Variants in CNNM1 observed in about 807,000 individuals in gnomAD.
CNNM1 encodes cyclin and CBS domain divalent metal cation transport mediator 1, also known as metal transporter CNNM1.
A neutral mutation model predicts 78.8 loss-of-function variants in CNNM1; 44 were observed. The ratio of observed to expected loss-of-function variants is 0.56; its 90% CI spans 0.44 to 0.72. The LOEUF is 0.72. Ranked by LOEUF, CNNM1 falls within the 30% of genes least tolerant of loss-of-function variation. The pLI, the probability that CNNM1 is intolerant of heterozygous loss-of-function variation, is 0.00. For synonymous variants in CNNM1, 584 were observed against 581.5 expected (o/e 1.00, Z -0.06); for missense variants, 1,101 against 1,292.2 (o/e 0.85, Z 2.27).
At chr10:99,368,622 T>G in intron 6 of CNNM1, 1 of 1,289,774 alleles carries the variant, frequency 7.8e-7, no homozygotes, top group Non-Finnish European at 1.0e-6. Flanking sequence ...CTTTAGTGCC[T>G]GTCTCTGTGT....
intron 3 of CNNM1, among the ~76,000 whole-genome samples, chr10:99,361,333 G>A (rs181282701): frequency 6.6e-6 from 1 of 152,294 alleles, no homozygotes; most frequent in East Asian, 1.9e-4. Flanking sequence ...ACAGAAGCCT[G>A]TGAGCTATGA....
chr10:99,376,575 G>C (rs2031968056), intron 6 of CNNM1, among the ~76,000 whole-genome samples: 1 of 152,138 alleles, frequency 6.6e-6, no homozygotes, highest in African/African-American at 2.4e-5. Flanking sequence ...TCTAAAATAA[G>C]GTTTGTGATT....
intron 5 of CNNM1, among the ~76,000 whole-genome samples, 162 bp downstream of exon 5, chr10:99,364,678 A>G (rs2031553792): frequency 6.6e-6 from 1 of 152,176 alleles, no homozygotes; most frequent in Non-Finnish European, 1.5e-5. Flanking sequence ...GGGTGTATGA[A>G]TCACTTTTCA....
intron 1 of CNNM1, among the ~76,000 whole-genome samples, chr10:99,331,740 A>G (rs1205694722): frequency 6.6e-6 from 1 of 151,942 alleles, no homozygotes; most frequent in East Asian, 1.9e-4. Flanking sequence ...GGAGGGAAGT[A>G]CTCAGGTTGG....
At position 99,391,773 on chromosome 10, in the gene CNNM1, T is replaced by C; in HGVS notation, c.*257T>C. On this transcript the variant is annotated 3_prime_UTR_variant, in exon 11 of 11. Transcript: ENST00000356713. ...GCTAGAAATGGTCTTTTCCACAGCA[T>C]AGTCTGGGACTGGAAAAGAGATGTC... 1 of 423,882 alleles carries C rather than the reference T, an allele frequency of 2.4e-6. No individual in the cohort carries two copies. The highest frequency in any genetic ancestry group is 4.3e-6 in the Non-Finnish European group (1 of 233,122). 26.3% of individuals were successfully genotyped at this position (423,882 alleles called of 1,614,324 possible).
intron 7 of CNNM1, among the ~76,000 whole-genome samples, chr10:99,383,781 G>A (rs999103038): frequency 6.6e-6 from 1 of 152,154 alleles, no homozygotes; most frequent in African/African-American, 2.4e-5. Flanking sequence ...GCCCTGCGAG[G>A]CCAGGTCATC....
rs762829295 is a variant in CNNM1 at position 99,377,106 on chromosome 10, A to G, written c.2228A>G (p.Asn743Ser). ...GGGTTGAATCGCTCTGAGTCTCCAA[A>G]CCGAGAGCGCAGTGACTTTGGGGGC... ...CSGLNRSESP[N>S]RERSDFGGSN... The change falls in exon 7 of 11, where the codon AAC (asparagine) becomes AGC (serine). Residue 743 changes from asparagine to serine, a missense_variant. This residue lies in a region of CNNM1 where 348 missense variants were observed against 384.5 expected (regional missense o/e 0.90). Transcript: ENST00000356713. 1 of 1,601,274 alleles carries G rather than the reference A, an allele frequency of 6.2e-7. No homozygotes were observed. Among genetic ancestry groups the G allele is most frequent in the Non-Finnish European group, 8.5e-7 (1 of 1,174,006 alleles).
chr10:99,377,063 T>C lies in CNNM1; in HGVS notation c.2185T>C (p.Ser729Pro). 3.2e-6 allele frequency: 5 copies of C among 1,550,012 alleles called. No homozygotes were observed. In the South Asian group the frequency reaches 4.7e-5, roughly 15 times the overall value. ...LAGSSVFLNR[S>P]PSRCSGLNRS... ...TCTCTCACCATCTGCAGTAAACCGG[T>C]CCCCTTCTCGCTGCAGTGGGTTGAA... The change falls in exon 7 of 11, where the codon TCC becomes CCC. Residue 729 changes from serine (S) to proline (P), a missense_variant. Coordinates refer to ENST00000356713, the MANE Select transcript of CNNM1 (RefSeq NM_020348.3).
At chr10:99,336,261 T>C (rs1385993950) in intron 1 of CNNM1, among the ~76,000 whole-genome samples, 1 of 152,234 alleles carries the variant, frequency 6.6e-6, no homozygotes, top group African/African-American at 2.4e-5. Context: ...TTACTATGTT[T>C]AGATACGCAA....
At chr10:99,354,553 T>C (rs2031064078) in intron 1 of CNNM1, among the ~76,000 whole-genome samples, 1 of 152,172 alleles carries the variant, frequency 6.6e-6, no homozygotes, top group African/African-American at 2.4e-5. Context: ...GAGGAGGAAA[T>C]GCTGTCTAGT....
At chr10:99,373,857 T>C (rs1024469816) in intron 6 of CNNM1, among the ~76,000 whole-genome samples, 1 of 152,236 alleles carries the variant, frequency 6.6e-6, no homozygotes, top group Non-Finnish European at 1.5e-5. Context: ...TTTCCATCCA[T>C]GTTGCTGCAA....
intron 1 of CNNM1, among the ~76,000 whole-genome samples, chr10:99,354,158 A>G (rs1355912795): frequency 1.3e-5 from 2 of 152,224 alleles, no homozygotes; most frequent in Non-Finnish European, 2.9e-5. Context: ...CTGCTAGCAC[A>G]TATTAGCAGA....
At chr10:99,377,676 A>G (rs948414138) in intron 7 of CNNM1, among the ~76,000 whole-genome samples, 1 of 152,232 alleles carries the variant, frequency 6.6e-6, no homozygotes, top group African/African-American at 2.4e-5. Flanking sequence ...AGAAGAAACC[A>G]TGCTATACTT....
intron 7 of CNNM1, among the ~76,000 whole-genome samples, chr10:99,380,436 A>G (rs1361380052): frequency 6.6e-6 from 1 of 151,932 alleles, no homozygotes. Context: ...GGATTTGGCA[A>G]CTCCTCAGAG....
At chr10:99,356,465 A>G (rs143202184) in intron 1 of CNNM1, among the ~76,000 whole-genome samples, 1 of 150,770 alleles carries the variant, frequency 6.6e-6, no homozygotes, top group African/African-American at 2.5e-5. Context: ...ACAGAGAGAG[A>G]CTCCATCTCA....
Position 99,329,857 on chromosome 10 carries a change from C to G in CNNM1, c.470C>G (p.Ser157Trp). ...TTGCGTCCCGGGGGCGTGGCAGGCT[C>G]GGCCCTGGTCCAGGTGCGAGTGCGG... ...GPLRPGGVAG[S>W]ALVQVRVREL... Residue 157 changes from serine (S) to tryptophan (W), a missense_variant, in exon 1 of 11, where the codon TCG becomes TGG. Physicochemically the swap from Ser to Trp is radical, Grantham distance 177 (BLOSUM62 -3). Around this residue, in one of 3 missense-constraint regions of CNNM1, gnomAD observed 476 missense variants for 484.5 expected, o/e 0.98. Transcript: ENST00000356713. 1 of 1,409,566 alleles carries G rather than the reference C, an allele frequency of 7.1e-7. No homozygotes were observed. The highest frequency in any genetic ancestry group is 9.2e-7 in the Non-Finnish European group (1 of 1,088,624). 87.3% of individuals were successfully genotyped at this position (1,409,566 alleles called of 1,614,324 possible).
At position 99,390,301 on chromosome 10, in the gene CNNM1, C is replaced by T; in HGVS notation, c.2675-5C>T. On this transcript the variant is annotated splice_polypyrimidine_tract_variant and splice_region_variant and intron_variant, in intron 9 of 10. Coordinates refer to ENST00000356713, the MANE Select transcript of CNNM1 (RefSeq NM_020348.3). ...CAACTTGAGTTCTCTCCTTTCCTTT[C>T]TCAGCATCAGATAGTGAATGTTGTA... 5 of 1,607,138 alleles carry T rather than the reference C, an allele frequency of 3.1e-6. No individual in the cohort carries two copies. The highest frequency in any genetic ancestry group is 4.3e-6 in the Non-Finnish European group (5 of 1,175,744).
chr10:99,366,887 G>C (rs2031637769), intron 6 of CNNM1, among the ~76,000 whole-genome samples: 1 of 152,308 alleles, frequency 6.6e-6, no homozygotes, highest in East Asian at 1.9e-4. Context: ...GCATCAGTGA[G>C]ATAGAAATAA....
intron 1 of CNNM1, among the ~76,000 whole-genome samples, chr10:99,342,486 G>T (rs1003296842): frequency 6.6e-6 from 1 of 152,162 alleles, no homozygotes; most frequent in Non-Finnish European, 1.5e-5. Flanking sequence ...TGTGATAAAG[G>T]TGTTGATTAT....
Sources: gnomAD v4.1 joint callset for allele counts (sites outside exome capture counted in the v4.1 genomes callset) on GRCh38, gnomAD v4.1.1 for gene constraint, gnomAD v4.1.1 regional missense constraint, MANE v1.5 for transcripts, NCBI Gene and HGNC (gene_info 2026-07-23, HGNC 2026-07-21) for gene names.